TECRL: variants seen among roughly 807,000 people sequenced by gnomAD.
The protein encoded by TECRL is trans-2,3-enoyl-CoA reductase like, also known as trans-2,3-enoyl-CoA reductase-like.
Under a neutral mutation model 52.8 loss-of-function variants are expected in TECRL, and 63 were observed. The ratio of observed to expected loss-of-function variants is 1.19; its 90% confidence interval spans 0.97 to 1.47. The LOEUF is 1.47. TECRL is among the 40% of genes most tolerant of loss of function. TECRL has a pLI of 0.00. For missense variants in TECRL, 482 were observed against 429.6 expected, an observed-to-expected ratio of 1.12 and a Z score of -1.08; for synonymous variants, 164 against 141.9, an observed-to-expected ratio of 1.16 and a Z score of -1.10.
rs139248693 is a variant in TECRL, at chr4:64,347,134, C to G, written c.287-18578G>C. Among the ~76,000 whole-genome samples, 289 of 152,264 alleles carry G rather than the reference C, an allele frequency of 1.9e-3. 2 individuals carry two copies. The highest frequency in any genetic ancestry group is 6.5e-3 in the African/African-American group (271 of 41,564). On this transcript the variant is annotated intron_variant, in intron 2 of 11. Coordinates refer to ENST00000381210, the MANE Select transcript of TECRL (RefSeq NM_001010874.5). Reference sequence around the variant, plus strand: ...AATTGTGACATTCTTACATAAATAGCCTGTTCAAAAAGTTGCCTCTTCATC... The same window carrying G: ...AATTGTGACATTCTTACATAAATAGGCTGTTCAAAAAGTTGCCTCTTCATC...
chr4:64,375,171 C>T lies in TECRL; in HGVS notation c.286+1G>A. 7.3e-7 allele frequency: 1 copy of T among 1,360,750 alleles called. No individual in the cohort carries two copies. Among genetic ancestry groups the T allele is most frequent in the South Asian group, 1.6e-5 (1 of 64,292 alleles). The allele number at this position is 1,360,750 out of a possible 1,614,324, so 84.3% of individuals were successfully genotyped here. A position where few individuals can be genotyped will look rare whatever the true frequency, so the allele number is the denominator to read the frequency against. On this transcript the variant is annotated splice_donor_variant, in intron 2 of 11. Transcript: ENST00000381210. LOFTEE classifies it high-confidence loss of function. Reference sequence around the variant, plus strand: ...AATTCTAAATAATATATAAAACTTACATGCTTTGTGAAACTTTTGCTTAAC... The same window carrying T: ...AATTCTAAATAATATATAAAACTTATATGCTTTGTGAAACTTTTGCTTAAC...
chr4:64,284,086 G>A (rs1722964999), intron 9 of TECRL, among the ~76,000 whole-genome samples: 1 of 152,062 alleles, frequency 6.6e-6, no homozygotes, highest in Non-Finnish European at 1.5e-5. Context: ...GTTGGAATCT[G>A]AGGGTGTTTG....
At chr4:64,364,543 C>A (rs1297324032) in intron 2 of TECRL, among the ~76,000 whole-genome samples, 1 of 151,556 alleles carries the variant, frequency 6.6e-6, no homozygotes, top group African/African-American at 2.4e-5. Context: ...GAGAGAAGTT[C>A]CAAACAAACA....
At chr4:64,402,678 T>C (rs866456322) in intron 1 of TECRL, among the ~76,000 whole-genome samples, 2 of 152,078 alleles carry the variant, frequency 1.3e-5, no homozygotes, top group Non-Finnish European at 2.9e-5. Context: ...GTATTGAGCC[T>C]GATAAGTAGT....
intron 1 of TECRL, among the ~76,000 whole-genome samples, chr4:64,387,355 G>C (rs543491378): frequency 6.6e-6 from 1 of 152,236 alleles, no homozygotes; most frequent in Admixed American, 6.5e-5. Flanking sequence ...AATTGTGGAT[G>C]CAGCTGCCAT....
intron 5 of TECRL, among the ~76,000 whole-genome samples, chr4:64,311,781 G>GGT (rs1717016095): frequency 6.6e-6 from 1 of 151,966 alleles, no homozygotes; most frequent in Admixed American, 6.6e-5. Flanking sequence ...ATTAGTTTTT[G>GGT]TGGATTGCTA....
At chr4:64,357,627 A>C (rs1720861483) in intron 2 of TECRL, among the ~76,000 whole-genome samples, 1 of 151,626 alleles carries the variant, frequency 6.6e-6, no homozygotes, top group Admixed American at 6.6e-5. Context: ...AATAAAAATT[A>C]TGAGAATTTT....
intron 2 of TECRL, among the ~76,000 whole-genome samples, chr4:64,336,013 G>A (rs1283446155): frequency 1.3e-5 from 2 of 152,194 alleles, no homozygotes; most frequent in South Asian, 4.1e-4. Flanking sequence ...GTATCAGGAT[G>A]ACGCTGGCCT....
intron 5 of TECRL, 80 bp downstream of exon 5, chr4:64,314,568 T>A (rs1717332152): frequency 9.4e-7 from 1 of 1,067,260 alleles, no homozygotes; most frequent in African/African-American, 1.6e-5. Flanking sequence ...GCTTACTAGT[T>A]CATCCCCTCC....
chr4:64,394,385 T>A (rs2348508), intron 1 of TECRL, among the ~76,000 whole-genome samples: 136,019 of 152,178 alleles, frequency 0.89, 61,525 homozygotes, highest in East Asian at 1. Context: ...TTTTGAAAGT[T>A]GAAAGCTTAA....
intron 2 of TECRL, among the ~76,000 whole-genome samples, chr4:64,344,737 G>A (rs1315867725): frequency 6.6e-6 from 1 of 152,180 alleles, no homozygotes; most frequent in African/African-American, 2.4e-5. Flanking sequence ...ATTGGTAAGA[G>A]AAAACAGAAA....
At chr4:64,395,173 GC>G (rs1347994376) in intron 1 of TECRL, among the ~76,000 whole-genome samples, 11 of 151,866 alleles carry the variant, frequency 7.2e-5, no homozygotes, top group African/African-American at 2.7e-4. Context: ...TCCTGTCTCA[GC>G]CCCCCAAATT....
At chr4:64,346,853 A>G (rs1007223868) in intron 2 of TECRL, among the ~76,000 whole-genome samples, 16 of 152,166 alleles carry the variant, frequency 1.1e-4, no homozygotes, top group Admixed American at 3.9e-4. Context: ...CTTTTTTCAT[A>G]TGTTTGCTTT....
At chr4:64,359,491 A>C (rs187956686) in intron 2 of TECRL, among the ~76,000 whole-genome samples, 1 of 141,606 alleles carries the variant, frequency 7.1e-6, no homozygotes, top group African/African-American at 2.6e-5. Flanking sequence ...TGCTAACCCA[A>C]CCGTCTAGAT....
At chr4:64,368,842 A>G (rs1477513476) in intron 2 of TECRL, among the ~76,000 whole-genome samples, 3 of 152,120 alleles carry the variant, frequency 2.0e-5, no homozygotes, top group Non-Finnish European at 4.4e-5. Flanking sequence ...CTGCTCTGCT[A>G]TCTTTGTCCT....
chr4:64,369,339 A>G (rs959423725), intron 2 of TECRL, among the ~76,000 whole-genome samples: 5 of 152,084 alleles, frequency 3.3e-5, no homozygotes, highest in African/African-American at 1.2e-4. Flanking sequence ...TTTATTAATA[A>G]TTTAGTAGTT....
intron 4 of TECRL, among the ~76,000 whole-genome samples, chr4:64,318,940 G>T (rs548822873): frequency 7.9e-5 from 12 of 151,930 alleles, no homozygotes; most frequent in African/African-American, 2.9e-4. Context: ...AATGTATTTG[G>T]ATTTAAGATA....
At chr4:64,317,184 A>G (rs929679725) in intron 4 of TECRL, among the ~76,000 whole-genome samples, 4 of 152,156 alleles carry the variant, frequency 2.6e-5, no homozygotes, top group African/African-American at 9.7e-5. Context: ...AGGCTGAGGC[A>G]GAAGAATGGC....
At chr4:64,280,241 T>A in intron 11 of TECRL, 42 bp from the exon 12 acceptor site, 1 of 1,209,502 alleles carries the variant, frequency 8.3e-7, no homozygotes, top group African/African-American at 3.4e-5. Context: ...TTCTTATTTC[T>A]ATGAAATGTT....
Sources: gnomAD v4.1 joint callset for allele counts (sites outside exome capture counted in the v4.1 genomes callset) on GRCh38, gnomAD v4.1.1 for gene constraint, MANE v1.5 for transcripts, NCBI Gene and HGNC (gene_info 2026-07-23, HGNC 2026-07-21) for gene names.